The following CHD6 variants were observed in gnomAD, a reference collection of about 807,000 sequenced individuals.
CHD6 encodes chromodomain helicase DNA binding protein 6.
CHD6 carries 50 observed loss-of-function variants against 276.9 expected under a neutral mutation model. The ratio of observed to expected loss-of-function variants is 0.18; its 90% CI spans 0.14 to 0.23. CHD6 has a LOEUF of 0.23. Ranked by LOEUF, CHD6 falls within the 10% of genes least tolerant of loss-of-function variation. The pLI, the probability that CHD6 is intolerant of heterozygous loss-of-function variation, is 1.00. For missense variants in CHD6, 2,564 were observed against 3,365.8 expected (o/e 0.76, Z 5.89); for synonymous variants, 1,173 against 1,229.3 (o/e 0.95, Z 0.96).
chr20:41,457,272 T>C lies in CHD6; in HGVS notation c.2821A>G (p.Thr941Ala), dbSNP rs2048404769. 1 of 1,613,508 alleles carries C rather than the reference T, an allele frequency of 6.2e-7. No homozygotes were observed. ...VLQDINRKGG[T>A]NGVQQLSKME... Reference sequence around the variant, plus strand: ...AGGCCCATCACACTCACCCCATTGGTGCCGCCCTTTCGGTTGATGTCCTGA... The same window carrying C: ...AGGCCCATCACACTCACCCCATTGGCGCCGCCCTTTCGGTTGATGTCCTGA... The change falls in exon 18 of 37, where the codon ACC becomes GCC. Residue 941 changes from threonine to alanine, a missense_variant. This residue lies in a region of CHD6 where 457 missense variants were observed against 889.0 expected (regional missense o/e 0.51). Coordinates refer to ENST00000373233, the MANE Select transcript of CHD6 (RefSeq NM_032221.5).
At chr20:41,497,661 G>A (rs2043720672) in intron 7 of CHD6, 160 bp from the exon 8 acceptor site, 1 of 638,528 alleles carries the variant, frequency 1.6e-6, no homozygotes, top group Non-Finnish European at 2.8e-6. Context: ...CCCCTTAAGG[G>A]CAACAACAGA....
chr20:41,416,905 G>T, intron 32 of CHD6, 111 bp from the exon 33 acceptor site: 1 of 918,496 alleles, frequency 1.1e-6, no homozygotes, highest in Non-Finnish European at 1.6e-6. Flanking sequence ...TAAGAAAAGA[G>T]CACACTCAAA....
intron 2 of CHD6, among the ~76,000 whole-genome samples, chr20:41,548,697 G>A (rs1294034572): frequency 6.6e-6 from 1 of 152,042 alleles, no homozygotes; most frequent in Non-Finnish European, 1.5e-5. Flanking sequence ...TACCATCACA[G>A]TGAACAGGCA....
In CHD6 at chr20:41,447,955, G is replaced by A. The variant is rs778466031; in HGVS notation, c.3700C>T (p.Arg1234Trp). Residue 1234 changes from arginine to tryptophan, a missense_variant, in exon 24 of 37, where the codon CGG (arginine) becomes TGG (tryptophan). Around this residue, in one of 7 missense-constraint regions of CHD6, gnomAD observed 515 missense variants for 739.5 expected, o/e 0.70. Coordinates refer to ENST00000373233, the MANE Select transcript of CHD6 (RefSeq NM_032221.5). ...QHCNKVLLRVRMLYYLKAEIL... is the reference protein window; with the variant it reads ...QHCNKVLLRVWMLYYLKAEIL... ...TCAGCTTTTAGGTAGTACAGCATCC[G>A]GACTCGCAAAAGTACTCTATGAAAG... The A allele has an allele frequency of 3.7e-6, 6 of 1,608,810 alleles. No individual in the cohort carries two copies. The highest frequency in any genetic ancestry group is 1.3e-5 in the African/African-American group (1 of 74,812).
intron 17 of CHD6, among the ~76,000 whole-genome samples, chr20:41,464,762 G>A (rs975917079): frequency 2.0e-5 from 3 of 152,122 alleles, no homozygotes; most frequent in Non-Finnish European, 2.9e-5. Context: ...GTTTCTAAAT[G>A]CTGTTCTCAA....
chr20:41,605,592 G>A (rs2045818967), intron 1 of CHD6, among the ~76,000 whole-genome samples: 1 of 152,120 alleles, frequency 6.6e-6, no homozygotes, highest in African/African-American at 2.4e-5. Flanking sequence ...TTATTTTAAA[G>A]GGTGTATTAG....
intron 1 of CHD6, among the ~76,000 whole-genome samples, chr20:41,592,525 A>G (rs1056835133): frequency 6.6e-6 from 1 of 152,258 alleles, no homozygotes. Context: ...TTTTAAAAGT[A>G]TTAACAATGA....
chr20:41,514,361 T>G (rs2044199394), intron 4 of CHD6, among the ~76,000 whole-genome samples: 1 of 152,216 alleles, frequency 6.6e-6, no homozygotes, highest in Non-Finnish European at 1.5e-5. Context: ...GGCAACTCCT[T>G]GTTTCCAAGT....
rs2047199985 is a variant in CHD6, at chr20:41,421,738, A to G, written c.4897T>C (p.Tyr1633His). Residue 1633 changes from tyrosine to histidine, a missense_variant, in exon 31 of 37, where the codon TAC becomes CAC. Physicochemically the swap from Tyr to His is moderately conservative, Grantham distance 83. Transcript: ENST00000373233. The stretch of plus-strand genomic sequence containing the variant: ...TCATATAACTTGGAGTTGGTCTGGT[A>G]AAGGCAACAGAGATTTCCTGGTGCC... ...TQAPGNLCCL[Y>H]QTNSKLYESL... The G allele has an allele frequency of 1.9e-6, 3 of 1,614,106 alleles. No individual in the cohort carries two copies. Among genetic ancestry groups the G allele is most frequent in the Admixed American group, 3.3e-5 (2 of 60,014 alleles).
At chr20:41,476,639 G>C (rs1486284686) in intron 16 of CHD6, among the ~76,000 whole-genome samples, 3 of 152,092 alleles carry the variant, frequency 2.0e-5, no homozygotes, top group African/African-American at 7.2e-5. Context: ...GCCATGCTTT[G>C]TTCACCATTA....
chr20:41,539,617 A>G (rs2044901548), intron 2 of CHD6, among the ~76,000 whole-genome samples: 2 of 152,232 alleles, frequency 1.3e-5, no homozygotes, highest in South Asian at 4.1e-4. Context: ...AGTGACCTTA[A>G]GACCAAATTA....
intron 1 of CHD6, among the ~76,000 whole-genome samples, chr20:41,611,759 T>TCTGGTGTAGCTGGGATTA (rs1383922932): frequency 1.3e-5 from 2 of 152,126 alleles, no homozygotes; most frequent in Non-Finnish European, 2.9e-5. Flanking sequence ...TGCCTCAGCC[T>TCTGGTGTAGCTGGGATTA]CTGGTGTAGC....
At chr20:41,581,379 T>C (rs1253047737) in intron 1 of CHD6, among the ~76,000 whole-genome samples, 1 of 152,106 alleles carries the variant, frequency 6.6e-6, no homozygotes, top group African/African-American at 2.4e-5. Flanking sequence ...CATAATGAAA[T>C]AATATCACCA....
At chr20:41,417,653 T>G (rs2047044520) in intron 31 of CHD6, among the ~76,000 whole-genome samples, 1 of 152,186 alleles carries the variant, frequency 6.6e-6, no homozygotes, top group Admixed American at 6.5e-5. Context: ...AAGAGATGAC[T>G]AACCACAAAG....
intron 2 of CHD6, among the ~76,000 whole-genome samples, chr20:41,539,619 A>C (rs1167539016): frequency 6.6e-6 from 1 of 152,208 alleles, no homozygotes; most frequent in Non-Finnish European, 1.5e-5. Flanking sequence ...TGACCTTAAG[A>C]CCAAATTAGA....
At chr20:41,503,597 G>C (rs115281517) in intron 5 of CHD6, among the ~76,000 whole-genome samples, 172 of 152,110 alleles carry the variant, frequency 1.1e-3, no homozygotes, top group African/African-American at 3.8e-3. Context: ...CTCAGTCTTT[G>C]TTTATATAGT....
chr20:41,555,999 C>T (rs571417298), intron 1 of CHD6, among the ~76,000 whole-genome samples: 3 of 152,230 alleles, frequency 2.0e-5, no homozygotes, highest in Non-Finnish European at 4.4e-5. Context: ...TCTGCAATCC[C>T]GGCACCTCGG....
chr20:41,406,454 G>A (rs2046677603), intron 36 of CHD6, among the ~76,000 whole-genome samples: 1 of 152,182 alleles, frequency 6.6e-6, no homozygotes, highest in Admixed American at 6.5e-5. Flanking sequence ...CCTGGGGGAG[G>A]GCAGATTGCT....
chr20:41,491,092 T>C (rs2145864226), intron 11 of CHD6, among the ~76,000 whole-genome samples: 1 of 152,218 alleles, frequency 6.6e-6, no homozygotes. Context: ...CGCACACCAC[T>C]GTAGACATTA....
Sources: gnomAD v4.1 joint callset for allele counts (sites outside exome capture counted in the v4.1 genomes callset) on GRCh38, gnomAD v4.1.1 for gene constraint, gnomAD v4.1.1 regional missense constraint, MANE v1.5 for transcripts, NCBI Gene and HGNC (gene_info 2026-07-23, HGNC 2026-07-21) for gene names.